GLUD1: variants seen among roughly 807,000 people sequenced by gnomAD.
The protein encoded by GLUD1 is glutamate dehydrogenase 1, mitochondrial.
In GLUD1, 22 loss-of-function variants were observed where a neutral mutation model predicts 56.0. The observed-to-expected ratio is 0.39, with a 90% CI of 0.28 to 0.56. The LOEUF is 0.56. Among genes scored for constraint, GLUD1 ranks in the 20% least tolerant of loss-of-function variants. The pLI is 0.58. For synonymous variants in GLUD1, 223 were observed against 269.9 expected (o/e 0.83, Z 1.70); for missense variants, 451 against 732.0 (o/e 0.62, Z 4.43).
At chr10:87,088,331 T>C (rs1841434691) in intron 1 of GLUD1, among the ~76,000 whole-genome samples, 1 of 151,778 alleles carries the variant, frequency 6.6e-6, no homozygotes, top group Non-Finnish European at 1.5e-5. Flanking sequence ...TTCCAAGAAA[T>C]AAAAAAATTC....
intron 1 of GLUD1, among the ~76,000 whole-genome samples, chr10:87,081,289 C>T (rs1256190563): frequency 3.3e-5 from 5 of 150,528 alleles, no homozygotes; most frequent in Admixed American, 2.6e-4. Flanking sequence ...AGGAGCCCCT[C>T]TGCCCGGCCA....
intron 3 of GLUD1, 62 bp downstream of exon 3, chr10:87,075,906 T>G (rs1846375068): frequency 8.8e-7 from 1 of 1,140,080 alleles, no homozygotes. Flanking sequence ...AGAGGAAGAC[T>G]CTGTCTCAGA....
chr10:87,093,940 C>G lies in GLUD1; in HGVS notation c.445+385G>C, dbSNP rs751723554. The G allele has an allele frequency of 1.0e-5, 14 of 1,363,484 alleles. No individual in the cohort carries two copies. The South Asian group carries it at 1.7e-4, about 17-fold the overall frequency. 84.5% of individuals were successfully genotyped at this position (1,363,484 alleles called of 1,614,324 possible). A position where few individuals can be genotyped will look rare whatever the true frequency, so the allele number is the denominator to read the frequency against. ...CATTTAGGGGAGACTCACAAAAGCC[C>G]AAGAACACTGACGAGGCATTATCAC... On this transcript the variant is annotated intron_variant, in intron 1 of 12. Transcript: ENST00000277865.
rs200080759 is a variant in GLUD1 at position 87,071,607 on chromosome 10, CAG to C, written c.646+2942_646+2943del. On this transcript the variant is annotated intron_variant, in intron 4 of 12. Transcript: ENST00000277865. ...GAGATGAAAGGGTAATTTTGGTACA[CAG>C]AGATATAAGGGGATGAGAAGGGTGG... 4.6e-3 allele frequency among the ~76,000 whole-genome samples: 703 copies of C among 152,262 alleles called. 21 individuals carry two copies. The highest frequency in any genetic ancestry group is 0.041 in the Admixed American group (634 of 15,286).
chr10:87,089,699 T>C (rs1286647106), intron 1 of GLUD1: 1 of 981,160 alleles, frequency 1.0e-6, no homozygotes, highest in Non-Finnish European at 1.2e-6. Context: ...TTGTCCTTAA[T>C]AAAGCCTTTC....
At chr10:87,063,498 A>T (rs1390287680) in intron 5 of GLUD1, among the ~76,000 whole-genome samples, 1 of 152,214 alleles carries the variant, frequency 6.6e-6, no homozygotes, top group African/African-American at 2.4e-5. Flanking sequence ...CAAGTATTTA[A>T]GCACTACTAA....
chr10:87,083,816 T>TACAC (rs10535860), intron 1 of GLUD1, among the ~76,000 whole-genome samples: 194 of 151,168 alleles, frequency 1.3e-3, no homozygotes, highest in Middle Eastern at 3.4e-3. Context: ...ATCCCATCTC[T>TACAC]ACACACACAC....
At chr10:87,073,655 G>GT (rs1846302510) in intron 4 of GLUD1, among the ~76,000 whole-genome samples, 1 of 106,796 alleles carries the variant, frequency 9.4e-6, no homozygotes, top group African/African-American at 3.8e-5. Flanking sequence ...GTCTCGCTCT[G>GT]TTGCCCAGGC....
chr10:87,070,732 T>C (rs1846211041), intron 4 of GLUD1, among the ~76,000 whole-genome samples: 1 of 152,054 alleles, frequency 6.6e-6, no homozygotes, highest in South Asian at 2.1e-4. Context: ...ATGCTAAACG[T>C]GAAACAGCTT....
chr10:87,088,215 G>C (rs1287828460), intron 1 of GLUD1, among the ~76,000 whole-genome samples: 2 of 150,190 alleles, frequency 1.3e-5, no homozygotes, highest in Non-Finnish European at 1.5e-5. Context: ...TCTAGGAAAG[G>C]AAAATGTAGA....
At chr10:87,056,681 ATTGTCAT>A (rs1313226415) in intron 11 of GLUD1, among the ~76,000 whole-genome samples, 8 of 152,004 alleles carry the variant, frequency 5.3e-5, no homozygotes, top group Non-Finnish European at 8.8e-5. Context: ...CAGAGGGGAG[ATTGTCAT>A]AGCACCAAAG....
chr10:87,075,755 C>G (rs1269590036), intron 3 of GLUD1, among the ~76,000 whole-genome samples: 1 of 152,150 alleles, frequency 6.6e-6, no homozygotes, highest in African/African-American at 2.4e-5. Flanking sequence ...AATCCCCTCT[C>G]TACTAAAAAT....
At chr10:87,075,858 G>A (rs1249524543) in intron 3 of GLUD1, 110 bp downstream of exon 3, 3 of 795,514 alleles carry the variant, frequency 3.8e-6, no homozygotes, top group Middle Eastern at 2.2e-4. Flanking sequence ...AGGTTGCAGT[G>A]AGCCAAGATT....
intron 4 of GLUD1, among the ~76,000 whole-genome samples, chr10:87,070,273 T>A (rs1162108592): frequency 2.0e-5 from 3 of 150,890 alleles, no homozygotes; most frequent in Non-Finnish European, 4.4e-5. Context: ...GGCAACATAG[T>A]GAGATCCTGT....
At chr10:87,089,824 TAGTC>T (rs1301725261) in intron 1 of GLUD1, 2 of 513,900 alleles carry the variant, frequency 3.9e-6, no homozygotes, top group Non-Finnish European at 5.0e-6. Context: ...TTTGAATAAC[TAGTC>T]AGTTTTAGAC....
intron 6 of GLUD1, among the ~76,000 whole-genome samples, chr10:87,061,931 G>A (rs976388896): frequency 4.6e-5 from 7 of 151,702 alleles, no homozygotes; most frequent in African/African-American, 1.7e-4. Context: ...CTACAGGCGT[G>A]TACCACCACA....
chr10:87,089,628 G>A (rs991728553), intron 1 of GLUD1: 2 of 985,292 alleles, frequency 2.0e-6, no homozygotes, highest in African/African-American at 1.7e-5. Context: ...TCTAGGTGTA[G>A]TTGCCTTTTT....
In GLUD1 at chr10:87,076,711, T is replaced by C. The variant is rs1276145799; in HGVS notation, c.446-55A>G. On this transcript the variant is annotated intron_variant, in intron 1 of 12. Coordinates refer to ENST00000277865, the MANE Select transcript of GLUD1 (RefSeq NM_005271.5). ...GGTGGGTGAGAAAGAAGGGGTTATATTTAGAACAAACTTAAGTAAGCTTCA... is the reference window on the plus strand; with the variant it reads ...GGTGGGTGAGAAAGAAGGGGTTATACTTAGAACAAACTTAAGTAAGCTTCA... The C allele has an allele frequency of 1.5e-5, 15 of 988,048 alleles. No individual in the cohort carries two copies. The East Asian group carries it at 3.6e-4, about 23-fold the overall frequency. The allele number at this position is 988,048 out of a possible 1,614,324, so 61.2% of individuals were successfully genotyped here. A position where few individuals can be genotyped will look rare whatever the true frequency, so the allele number is the denominator to read the frequency against.
rs1351412716 is a variant in GLUD1, at chr10:87,076,637, A to G, written c.465T>C (p.Asp155=). The change falls in exon 2 of 13, where the codon GAT becomes GAC. Residue 155 remains aspartate, a synonymous_variant. Transcript: ENST00000277865. ...AAGCTTTTACTTCATCTACACTCAC[A>G]TCAGTGCTGTAACGGATACCTGGTG... is the stretch of plus-strand genomic sequence containing the variant. ...PCKGGIRYST[D]VSVDEVKALA... 1 of 1,603,314 alleles carries G rather than the reference A, an allele frequency of 6.2e-7. No homozygotes were observed. The highest frequency in any genetic ancestry group is 1.7e-5 in the Admixed American group (1 of 60,000).
Sources: gnomAD v4.1 joint callset for allele counts (sites outside exome capture counted in the v4.1 genomes callset) on GRCh38, gnomAD v4.1.1 for gene constraint, MANE v1.5 for transcripts, NCBI Gene and HGNC (gene_info 2026-07-23, HGNC 2026-07-21) for gene names.